Variants in ADGRD1 observed in about 807,000 individuals in gnomAD.
ADGRD1 encodes adhesion G protein-coupled receptor D1.
Under a neutral mutation model 113.4 loss-of-function variants are expected in ADGRD1, and 77 were observed. That is an observed-to-expected ratio of 0.68 (90% CI 0.57 to 0.82). The LOEUF is 0.82. Among genes scored for constraint, ADGRD1 ranks in the 40% least tolerant of loss-of-function variants. ADGRD1 has a pLI of 0.00. For synonymous variants in ADGRD1, 474 were observed against 475.0 expected (o/e 1.00, Z 0.03); for missense variants, 1,036 against 1,139.1 (o/e 0.91, Z 1.30).
chr12:131,125,413 G>A (rs1950717062), intron 20 of ADGRD1, among the ~76,000 whole-genome samples: 1 of 152,168 alleles, frequency 6.6e-6, no homozygotes, highest in African/African-American at 2.4e-5. Flanking sequence ...GTCTGGGGAA[G>A]AGAAGGAGTC....
chr12:131,105,762 G>A lies in ADGRD1; in HGVS notation c.1784G>A (p.Ser595Asn), dbSNP rs989925174. The A allele has an allele frequency of 3.1e-6, 5 of 1,600,946 alleles. No individual in the cohort carries two copies. The highest frequency in any genetic ancestry group is 1.7e-5 in the Admixed American group (1 of 59,982). Residue 595 changes from serine (S) to asparagine (N), a missense_variant, in exon 17 of 25, where the codon AGC (serine) becomes AAC (asparagine). Ser to Asn is a conservative substitution (Grantham distance 46, BLOSUM62 1). Transcript: ENST00000261654. ...CCTGCCTCTGTCCTCAGCTCCGTGA[G>A]CACCATCCGGAACCAGCGCTACCAC... is the stretch of plus-strand genomic sequence containing the variant. Reference protein sequence around the residue: ...LVTFAVLSSVSTIRNQRYHIH... With the variant: ...LVTFAVLSSVNTIRNQRYHIH...
chr12:130,999,304 G>T (rs1465516809), intron 8 of ADGRD1, among the ~76,000 whole-genome samples: 1 of 152,258 alleles, frequency 6.6e-6, no homozygotes, highest in African/African-American at 2.4e-5. Flanking sequence ...GTGACACAGG[G>T]CGTGACCCAT....
At chr12:131,093,974 G>C (rs5021414) in intron 15 of ADGRD1, among the ~76,000 whole-genome samples, 6,543 of 139,706 alleles carry the variant, frequency 0.047, 226 homozygotes, top group East Asian at 0.08. Flanking sequence ...ACCCAGCCCT[G>C]AGCACCCAGC....
In ADGRD1 at chr12:131,066,625, T is replaced by C. The variant is rs1291200839; in HGVS notation, c.1474-10176T>C. ...CCCTGTGACTCTCACATCCCAGTGC[T>C]GGGGACCTGGGGAGGTGACAAGCAG... On this transcript the variant is annotated intron_variant, in intron 13 of 24. Coordinates refer to ENST00000261654, the MANE Select transcript of ADGRD1 (RefSeq NM_198827.5). Among the ~76,000 whole-genome samples, 4 of 152,192 alleles carry C rather than the reference T, an allele frequency of 2.6e-5. No homozygotes were observed. The East Asian group carries it at 5.8e-4, about 22-fold the overall frequency.
intron 13 of ADGRD1, among the ~76,000 whole-genome samples, chr12:131,061,668 A>T (rs1394093442): frequency 6.6e-6 from 1 of 152,244 alleles, no homozygotes; most frequent in African/African-American, 2.4e-5. Flanking sequence ...GGAAACTAAC[A>T]TCAGTGCTAT....
intron 3 of ADGRD1, chr12:130,968,440 T>A (rs964319512): frequency 1.9e-5 from 3 of 155,460 alleles, no homozygotes; most frequent in African/African-American, 7.2e-5. Context: ...AAGAAAAGAA[T>A]AGACCCCATC....
chr12:131,037,709 C>T (rs1421537199), intron 13 of ADGRD1, among the ~76,000 whole-genome samples: 1 of 23,862 alleles, frequency 4.2e-5, no homozygotes, highest in Non-Finnish European at 8.0e-5. Flanking sequence ...GGGTCTCACT[C>T]ACTACACCAG....
intron 20 of ADGRD1, chr12:131,121,968 T>C (rs1950606829): frequency 6.6e-6 from 1 of 152,580 alleles, no homozygotes; most frequent in East Asian, 1.9e-4. Flanking sequence ...TTTGTGCAGT[T>C]AGCACCGGTG....
rs1388116359 is a variant in ADGRD1 at position 131,028,986 on chromosome 12, C to T, written c.1473+14646C>T. Among the ~76,000 whole-genome samples, 7 of 152,306 alleles carry T rather than the reference C, an allele frequency of 4.6e-5. No homozygotes were observed. The East Asian group carries it at 5.8e-4, about 13-fold the overall frequency. On this transcript the variant is annotated intron_variant, in intron 13 of 24. Transcript: ENST00000261654. ...AGCCATGGGTGGGGCTCGGCAGTGC[C>T]GCCTCTCCCACGCCATTGCAGACTC...
At chr12:131,017,646 C>G (rs1878766171) in intron 13 of ADGRD1, among the ~76,000 whole-genome samples, 2 of 151,182 alleles carry the variant, frequency 1.3e-5, no homozygotes, top group African/African-American at 4.9e-5. Flanking sequence ...ACACCCAGCA[C>G]AGACACACCC....
At chr12:130,960,932 T>C (rs1195760) in intron 2 of ADGRD1, among the ~76,000 whole-genome samples, 151,103 of 152,334 alleles carry the variant, frequency 0.99, 74,948 homozygotes, top group Middle Eastern at 1. Flanking sequence ...ACACAAAACG[T>C]GGGGATCAGC....
At chr12:131,080,975 A>ATG (rs1886027267) in intron 14 of ADGRD1, among the ~76,000 whole-genome samples, 1 of 152,190 alleles carries the variant, frequency 6.6e-6, no homozygotes, top group African/African-American at 2.4e-5. Flanking sequence ...AGGTGCATGT[A>ATG]TGTTTAGGAT....
intron 13 of ADGRD1, among the ~76,000 whole-genome samples, chr12:131,032,642 G>A (rs1164007292): frequency 2.6e-5 from 4 of 152,200 alleles, no homozygotes; most frequent in South Asian, 2.1e-4. Context: ...GGGCAGTGAC[G>A]ATTATGCTTA....
chr12:131,117,112 T>C (rs1169082662), intron 18 of ADGRD1, among the ~76,000 whole-genome samples: 1 of 152,230 alleles, frequency 6.6e-6, no homozygotes, highest in African/African-American at 2.4e-5. Context: ...AGATTTGGGT[T>C]AGGTCAATTC....
chr12:131,083,331 GT>G (rs1240651134), intron 14 of ADGRD1, among the ~76,000 whole-genome samples: 1 of 151,800 alleles, frequency 6.6e-6, no homozygotes, highest in Non-Finnish European at 1.5e-5. Context: ...ACAGGGTACA[GT>G]GGCTCACGCC....
rs1870864139 is a variant in ADGRD1, at chr12:130,965,079, ATTATTTT to A, written c.104-1376_104-1370del. Among the ~76,000 whole-genome samples the A allele has an allele frequency of 6.6e-6, 1 of 152,138 alleles. No individual in the cohort carries two copies. The highest frequency in any genetic ancestry group is 2.4e-5 in the African/African-American group (1 of 41,456). ...GGGTGCTTTCACATCCCTCAGAATT[ATTATTTT>A]TTATTTTCTTCATGAAAATCTTGTA... On this transcript the variant is annotated intron_variant, in intron 2 of 24. Coordinates refer to ENST00000261654, the MANE Select transcript of ADGRD1 (RefSeq NM_198827.5). This position sits in a 1 kb window ranked among gnomAD's most constrained non-coding sequence, Gnocchi z 4.8.
chr12:130,991,088 C>T lies in ADGRD1; in HGVS notation c.810+10C>T. The stretch of plus-strand genomic sequence containing the variant: ...CACAGCAAGCCCCGTGGTGAGCAGA[C>T]ACATCTTCCTTGGTCCCCCTTGCTG... On this transcript the variant is annotated intron_variant, in intron 7 of 24. Transcript: ENST00000261654. The T allele has an allele frequency of 1.2e-5, 20 of 1,611,680 alleles. No homozygotes were observed. Among genetic ancestry groups the T allele is most frequent in the Non-Finnish European group, 1.4e-5 (17 of 1,177,810 alleles).
rs758503212 is a variant in ADGRD1, at chr12:130,987,201, T to A, written c.597T>A (p.Arg199=). ...STSDPSGKVS[R]DYGESNVNLV... ...CTGATCCGAGTGGAAAAGTGTCTCG[T>A]GACTATGGAGAGTCCAACGTCAACC... is the stretch of plus-strand genomic sequence containing the variant. The change falls in exon 6 of 25, where the codon CGT becomes CGA. Residue 199 remains arginine (R), a synonymous_variant. Transcript: ENST00000261654. The A allele has an allele frequency of 1.1e-5, 18 of 1,614,104 alleles. No individual in the cohort carries two copies. The Admixed American group carries it at 3.0e-4, about 27-fold the overall frequency.
rs184242441 is a variant in ADGRD1, at chr12:131,009,251, C to T, written c.1331+3204C>T. Among the ~76,000 whole-genome samples, 18 of 152,392 alleles carry T rather than the reference C, an allele frequency of 1.2e-4. 1 individual carries two copies. The East Asian group carries it at 3.1e-3, about 26-fold the overall frequency. ...TACTCCTGTCAGATGCATGGCCTCACGCCCCTCACGAGGAAGCAGTCAGAC... is the reference window on the plus strand; with the variant it reads ...TACTCCTGTCAGATGCATGGCCTCATGCCCCTCACGAGGAAGCAGTCAGAC... On this transcript the variant is annotated intron_variant, in intron 12 of 24. Transcript: ENST00000261654.
Sources: allele counts gnomAD v4.1 joint callset (sites outside exome capture counted in the v4.1 genomes callset), GRCh38; gene constraint gnomAD v4.1.1; non-coding constraint Gnocchi (gnomAD v3.1); transcripts MANE v1.5; gene names NCBI Gene and HGNC (gene_info 2026-07-23, HGNC 2026-07-21).